GADL1: variants seen among roughly 807,000 people sequenced by gnomAD.
The protein encoded by GADL1 is GAD like acidic amino acid decarboxylase 1.
A neutral mutation model predicts 69.5 loss-of-function variants in GADL1; 71 were observed. That is an observed-to-expected ratio of 1.02 (90% CI 0.84 to 1.25). GADL1 has a LOEUF of 1.25. Ranked by LOEUF, GADL1 falls within the 50% of genes most tolerant of loss-of-function variation. GADL1 has a pLI of 0.00. For synonymous variants in GADL1, 254 were observed against 214.4 expected, an observed-to-expected ratio of 1.18 and a Z score of -1.62; for missense variants, 737 against 631.8, an observed-to-expected ratio of 1.17 and a Z score of -1.79.
chr3:30,852,609 C>A (rs909242725), intron 4 of GADL1, among the ~76,000 whole-genome samples: 6 of 151,412 alleles, frequency 4.0e-5, no homozygotes, highest in African/African-American at 9.7e-5. Flanking sequence ...TTTATGTGAA[C>A]CTACAAATAT....
At chr3:30,759,680 G>T (rs1022879872) in intron 14 of GADL1, among the ~76,000 whole-genome samples, 5 of 152,178 alleles carry the variant, frequency 3.3e-5, no homozygotes, top group Non-Finnish European at 7.3e-5. Context: ...TGGTAGATTA[G>T]GTTCTTCAGA....
intron 11 of GADL1, among the ~76,000 whole-genome samples, chr3:30,817,618 CT>C (rs1181463173): frequency 6.6e-6 from 1 of 152,158 alleles, no homozygotes; most frequent in African/African-American, 2.4e-5. Context: ...CTGGTTCACA[CT>C]AGCTCTGAAA....
At chr3:30,838,213 A>C (rs1697904292) in intron 9 of GADL1, among the ~76,000 whole-genome samples, 1 of 152,140 alleles carries the variant, frequency 6.6e-6, no homozygotes, top group African/African-American at 2.4e-5. Context: ...TTTGGTTAGA[A>C]TCAAACTAAT....
chr3:30,797,003 T>G (rs1485447548), intron 12 of GADL1, among the ~76,000 whole-genome samples: 2 of 152,166 alleles, frequency 1.3e-5, no homozygotes, highest in Non-Finnish European at 2.9e-5. Context: ...AGAGGGCACT[T>G]CCCACCTCCT....
intron 12 of GADL1, among the ~76,000 whole-genome samples, chr3:30,791,048 T>C (rs1575207001): frequency 6.6e-6 from 1 of 152,212 alleles, no homozygotes; most frequent in African/African-American, 2.4e-5. Flanking sequence ...TATGGAAGGA[T>C]ACGTCATAAA....
intron 8 of GADL1, among the ~76,000 whole-genome samples, chr3:30,841,751 G>A (rs1335895404): frequency 6.6e-6 from 1 of 152,140 alleles, no homozygotes; most frequent in East Asian, 1.9e-4. Context: ...GAAGCTGATG[G>A]AGTGGAGGGT....
At chr3:30,730,934 A>G (rs988291024) in intron 14 of GADL1, among the ~76,000 whole-genome samples, 3 of 152,194 alleles carry the variant, frequency 2.0e-5, no homozygotes. Flanking sequence ...CTGACCCACC[A>G]TATTGTACTG....
chr3:30,752,395 C>T (rs979366549), intron 14 of GADL1, among the ~76,000 whole-genome samples: 40 of 152,030 alleles, frequency 2.6e-4, no homozygotes, highest in African/African-American at 9.0e-4. Context: ...TGGAGATAGA[C>T]ATGTATGGTG....
intron 11 of GADL1, among the ~76,000 whole-genome samples, chr3:30,808,047 G>A (rs28474368): frequency 0.083 from 12,635 of 152,088 alleles, 1,203 homozygotes; most frequent in African/African-American, 0.23. Flanking sequence ...AAATAAAAGT[G>A]TTTTTCCCAA....
chr3:30,771,361 T>C (rs1432698992), intron 14 of GADL1, among the ~76,000 whole-genome samples: 3 of 152,194 alleles, frequency 2.0e-5, no homozygotes, highest in Non-Finnish European at 2.9e-5. Context: ...CCTGACAGAA[T>C]ACTTAAAACA....
At chr3:30,770,264 G>GGT (rs1166859604) in intron 14 of GADL1, among the ~76,000 whole-genome samples, 1 of 152,178 alleles carries the variant, frequency 6.6e-6, no homozygotes, top group African/African-American at 2.4e-5. Context: ...GAGACACAGT[G>GGT]GTAAGTGGCC....
rs114141013 is a variant in GADL1, at chr3:30,837,650, A to G, written c.903+1347T>C. Reference sequence around the variant, plus strand: ...TCTCCATTTTATACAAACTACATAAACTATATAATCCATATGTGATGTTTC... The same window carrying G: ...TCTCCATTTTATACAAACTACATAAGCTATATAATCCATATGTGATGTTTC... On this transcript the variant is annotated intron_variant, in intron 9 of 14. Transcript: ENST00000282538. Among the ~76,000 whole-genome samples the G allele has an allele frequency of 8.2e-3, 1,254 of 152,196 alleles. 28 individuals are homozygous for G. Among genetic ancestry groups the G allele is most frequent in the African/African-American group, 0.028 (1,179 of 41,552 alleles).
chr3:30,825,747 G>GAA (rs1697670809), intron 11 of GADL1, among the ~76,000 whole-genome samples: 1 of 151,790 alleles, frequency 6.6e-6, no homozygotes, highest in Non-Finnish European at 1.5e-5. Context: ...AGGGAGCGGG[G>GAA]AATATCACAC....
intron 1 of GADL1, among the ~76,000 whole-genome samples, chr3:30,885,268 TTC>T (rs1698688278): frequency 6.6e-6 from 1 of 152,134 alleles, no homozygotes; most frequent in Non-Finnish European, 1.5e-5. Flanking sequence ...TATTTTTTTC[TTC>T]TGTCTTATCT....
At chr3:30,864,297 CCAGG>C (rs1698363961) in intron 1 of GADL1, among the ~76,000 whole-genome samples, 1 of 151,480 alleles carries the variant, frequency 6.6e-6, no homozygotes, top group East Asian at 2.0e-4. Flanking sequence ...CTTTTATTAC[CCAGG>C]GAATAACAGC....
chr3:30,849,091 A>T (rs1698104414), intron 6 of GADL1, among the ~76,000 whole-genome samples: 1 of 152,106 alleles, frequency 6.6e-6, no homozygotes, highest in Non-Finnish European at 1.5e-5. Flanking sequence ...TACCTGCACC[A>T]TTGCCATGAG....
At chr3:30,868,334 T>A (rs557779267) in intron 1 of GADL1, among the ~76,000 whole-genome samples, 1 of 152,156 alleles carries the variant, frequency 6.6e-6, no homozygotes, top group South Asian at 2.1e-4. Context: ...CTCACAAAAT[T>A]CCAGGTGTGA....
intron 13 of GADL1, among the ~76,000 whole-genome samples, chr3:30,785,916 G>A (rs948622614): frequency 6.6e-6 from 1 of 152,008 alleles, no homozygotes; most frequent in Non-Finnish European, 1.5e-5. Flanking sequence ...TCCAACATCA[G>A]CAAAATGACT....
chr3:30,883,797 TTG>T (rs1437649860), intron 1 of GADL1, among the ~76,000 whole-genome samples: 1 of 152,050 alleles, frequency 6.6e-6, no homozygotes, highest in Non-Finnish European at 1.5e-5. Flanking sequence ...CTTCATTTAT[TTG>T]TGTCTTTAAT....
Sources: gnomAD v4.1 joint callset for allele counts (sites outside exome capture counted in the v4.1 genomes callset) on GRCh38, gnomAD v4.1.1 for gene constraint, MANE v1.5 for transcripts, NCBI Gene and HGNC (gene_info 2026-07-23, HGNC 2026-07-21) for gene names.